The following DNAH5 variants were observed in gnomAD, a reference collection of about 807,000 sequenced individuals.
DNAH5 encodes axonemal beta dynein heavy chain 5.
A neutral mutation model predicts 518.2 loss-of-function variants in DNAH5; 372 were observed. The ratio of observed to expected loss-of-function variants is 0.72; its 90% CI spans 0.66 to 0.78. The LOEUF is 0.78. DNAH5 is among the 30% of genes least tolerant of loss of function. The pLI is 0.00. For synonymous variants in DNAH5, 2,039 were observed against 2,025.9 expected, an observed-to-expected ratio of 1.01 and a Z score of -0.17; for missense variants, 5,523 against 5,687.0, an observed-to-expected ratio of 0.97 and a Z score of 0.93.
rs556097562 is a variant in DNAH5 at position 13,957,936 on chromosome 5, C to T, written c.13-26692G>A. Among the ~76,000 whole-genome samples, 146 of 151,484 alleles carry T rather than the reference C, an allele frequency of 9.6e-4. No individual in the cohort carries two copies. The Middle Eastern group carries it at 0.012, about 13-fold the overall frequency. On this transcript the variant is annotated intron_variant, in intron 1 of 78. Transcript: ENST00000681290. ...CATGAGCAATAAATATTCTAGCTCC[C>T]GTTTTCTTAAAAATAAAATACACAC... is the stretch of plus-strand genomic sequence containing the variant.
intron 21 of DNAH5, among the ~76,000 whole-genome samples, chr5:13,878,760 T>C (rs1031087071): frequency 1.3e-5 from 2 of 152,182 alleles, no homozygotes; most frequent in African/African-American, 2.4e-5. Context: ...CCAACTTCCA[T>C]CAGTTATCTC....
At chr5:13,706,990 G>A (rs549653802) in intron 76 of DNAH5, among the ~76,000 whole-genome samples, 5 of 152,122 alleles carry the variant, frequency 3.3e-5, no homozygotes, top group Non-Finnish European at 7.4e-5. Flanking sequence ...CCCAAATGTT[G>A]CATTTTCCAA....
At position 13,770,893 on chromosome 5, in the gene DNAH5, T is replaced by G. The variant is rs149187750; in HGVS notation, c.9461A>C (p.Asp3154Ala). The change falls in exon 56 of 79, where the codon GAT becomes GCT. Residue 3154 changes from aspartate (D) to alanine (A), a missense_variant. Physicochemically the swap from Asp to Ala is moderately radical, Grantham distance 126. Transcript: ENST00000265104. The stretch of plus-strand genomic sequence containing the variant: ...ATCAACACACTTCTCAGCCACCCCA[T>G]CCTGGAAGGAGCCCATGCATTGGAC... ...EVVQCMGSFQ[D>A]GVAEKCVDYF... 3.3e-4 allele frequency: 530 copies of G among 1,614,104 alleles called. No individual in the cohort carries two copies. The highest frequency in any genetic ancestry group is 4.2e-4 in the Non-Finnish European group (490 of 1,179,986).
chr5:13,779,524 G>A (rs992209627), intron 53 of DNAH5, among the ~76,000 whole-genome samples: 19 of 152,108 alleles, frequency 1.2e-4, no homozygotes, highest in Non-Finnish European at 2.5e-4. Context: ...AGAAATTAAC[G>A]TCAAATGATT....
At chr5:13,919,509 A>G (rs1419381810) in intron 6 of DNAH5, 157 bp from the exon 7 acceptor site, 2 of 800,738 alleles carry the variant, frequency 2.5e-6, no homozygotes, top group Non-Finnish European at 3.7e-6. Context: ...CTCACTTAGC[A>G]TGCATCCATT....
At chr5:13,759,167 A>G (rs547238348) in intron 60 of DNAH5, among the ~76,000 whole-genome samples, 184 bp from the exon 61 acceptor site, 57 of 152,382 alleles carry the variant, frequency 3.7e-4, no homozygotes, top group African/African-American at 1.3e-3. Context: ...AAATGTGTAT[A>G]AGCAGAAAGT....
chr5:13,879,701 C>A (rs1229422764), intron 21 of DNAH5, among the ~76,000 whole-genome samples: 1 of 149,864 alleles, frequency 6.7e-6, no homozygotes, highest in Non-Finnish European at 1.5e-5. Flanking sequence ...CTAGATCAAG[C>A]AGAAGTAGAA....
At chr5:13,850,581 A>G (rs749642832) in intron 31 of DNAH5, 71 bp downstream of exon 31, 24 of 1,418,468 alleles carry the variant, frequency 1.7e-5, no homozygotes, top group Non-Finnish European at 2.4e-5. Flanking sequence ...AATTTGGCTA[A>G]TGCTATCTAG....
At chr5:13,796,024 A>G (rs1757764684) in intron 47 of DNAH5, among the ~76,000 whole-genome samples, 1 of 152,256 alleles carries the variant, frequency 6.6e-6, no homozygotes, top group Non-Finnish European at 1.5e-5. Flanking sequence ...AACTCTCAAT[A>G]AACTAGGTAT....
chr5:13,823,838 G>A (rs1046070179), intron 39 of DNAH5, among the ~76,000 whole-genome samples: 2 of 152,202 alleles, frequency 1.3e-5, no homozygotes, highest in Non-Finnish European at 2.9e-5. Context: ...AAATAATAGT[G>A]TGAAACTATC....
At chr5:13,992,095 T>C (rs1783600857) in intron 1 of DNAH5, among the ~76,000 whole-genome samples, 1 of 152,234 alleles carries the variant, frequency 6.6e-6, no homozygotes, top group African/African-American at 2.4e-5. Flanking sequence ...GAATCAAGGT[T>C]CCTTTTGCCC....
At chr5:13,850,955 AT>A (rs1205815797) in intron 30 of DNAH5, 140 bp from the exon 31 acceptor site, 3 of 847,688 alleles carry the variant, frequency 3.5e-6, no homozygotes, top group African/African-American at 1.7e-5. Flanking sequence ...TGTCACACAC[AT>A]TTTATTGAAG....
At chr5:13,911,616 C>T in intron 11 of DNAH5, 123 bp from the exon 12 acceptor site, 1 of 806,868 alleles carries the variant, frequency 1.2e-6, no homozygotes, top group East Asian at 2.7e-5. Context: ...TAAAGGAAGC[C>T]TTATTTTTTT....
intron 46 of DNAH5, 27 bp from the exon 47 acceptor site, chr5:13,807,752 AG>A: frequency 1.3e-6 from 2 of 1,584,084 alleles, no homozygotes; most frequent in Non-Finnish European, 1.7e-6. Context: ...TGAAAAAAAA[AG>A]AAATGAAATA....
intron 53 of DNAH5, among the ~76,000 whole-genome samples, chr5:13,778,133 T>A (rs560966781): frequency 5.3e-5 from 8 of 152,304 alleles, no homozygotes; most frequent in African/African-American, 1.9e-4. Flanking sequence ...AAAAGAGCCA[T>A]CTGATTTTTT....
Position 13,841,814 on chromosome 5 carries a change from A to G in DNAH5, c.5362T>C (p.Trp1788Arg). 1 of 1,613,624 alleles carries G rather than the reference A, an allele frequency of 6.2e-7. No individual in the cohort carries two copies. Among genetic ancestry groups the G allele is most frequent in the Non-Finnish European group, 8.5e-7 (1 of 1,179,696 alleles). The change falls in exon 33 of 79, where the codon TGG becomes CGG. Residue 1788 changes from tryptophan (W) to arginine (R), a missense_variant. By Grantham distance (101) the Trp-to-Arg change is moderately radical. Transcript: ENST00000265104. ...GATTCTTCCAAAAGAGAATTAAGCC[A>G]AACTTCCACATTGCCCTCTGCCATG... The part of the protein sequence containing the change: ...PVMAEGNVEV[W>R]LNSLLEESQS...
At chr5:13,976,819 T>A (rs926304777) in intron 1 of DNAH5, among the ~76,000 whole-genome samples, 32 of 151,642 alleles carry the variant, frequency 2.1e-4, no homozygotes, top group African/African-American at 7.8e-4. Context: ...TAAGGAGGGA[T>A]TACTGTATTC....
Position 13,859,562 on chromosome 5 carries a change from A to T in DNAH5, c.4840T>A (p.Tyr1614Asn). Residue 1614 changes from tyrosine to asparagine, a missense_variant, in exon 30 of 79, where the codon TAC becomes AAC. Transcript: ENST00000265104. ...FKAQIQKWVQYLSNSTDIIES... is the reference protein window; with the variant it reads ...FKAQIQKWVQNLSNSTDIIES... ...ATGATGTCTGTTGAGTTGGAAAGGT[A>T]CTGCACCCATTTTTGAATCTGGGCT... 2 of 1,614,130 alleles carry T rather than the reference A, an allele frequency of 1.2e-6. No individual in the cohort carries two copies. Among genetic ancestry groups the T allele is most frequent in the South Asian group, 2.2e-5 (2 of 91,078 alleles).
intron 30 of DNAH5, among the ~76,000 whole-genome samples, chr5:13,852,188 A>G (rs879123040): frequency 2.0e-5 from 3 of 152,016 alleles, no homozygotes; most frequent in African/African-American, 7.2e-5. Context: ...TGTTTCTGTG[A>G]TGGAGTTTCG....
Sources: allele counts gnomAD v4.1 joint callset (sites outside exome capture counted in the v4.1 genomes callset), GRCh38; gene constraint gnomAD v4.1.1; transcripts MANE v1.5; gene names NCBI Gene and HGNC (gene_info 2026-07-23, HGNC 2026-07-21).